Variants in PCDHA12 observed in about 807,000 individuals in gnomAD.
PCDHA12 encodes the protein protocadherin alpha-12.
PCDHA12 carries 44 observed loss-of-function variants against 60.0 expected under a neutral mutation model. The observed-to-expected ratio is 0.73, with a 90% CI of 0.58 to 0.94. The LOEUF is 0.94. PCDHA12 is among the 40% of genes least tolerant of loss of function. The pLI, the probability that PCDHA12 is intolerant of heterozygous loss-of-function variation, is 0.00. For missense variants in PCDHA12, 1,276 were observed against 1,239.7 expected (o/e 1.03, Z -0.44); for synonymous variants, 569 against 553.0 (o/e 1.03, Z -0.40).
At chr5:140,884,368 G>T (rs2060127258) in intron 1 of PCDHA12, 1 of 1,613,864 alleles carries the variant, frequency 6.2e-7, no homozygotes, top group Non-Finnish European at 8.5e-7. Context: ...ATGTTTACTT[G>T]ATCATTGCCA....
chr5:140,904,828 A>G (rs1196362639), intron 1 of PCDHA12, among the ~76,000 whole-genome samples: 7 of 151,794 alleles, frequency 4.6e-5, no homozygotes, highest in African/African-American at 1.7e-4. Flanking sequence ...GCATTTTTTT[A>G]TATGTTTCAT....
At chr5:140,998,720 A>G (rs1554256437) in intron 3 of PCDHA12, among the ~76,000 whole-genome samples, 1 of 152,092 alleles carries the variant, frequency 6.6e-6, no homozygotes, top group African/African-American at 2.4e-5. Context: ...TTGCACCACC[A>G]CGCTAGGCTA....
chr5:140,882,392 G>T (rs781850899), intron 1 of PCDHA12: 5 of 1,614,058 alleles, frequency 3.1e-6, no homozygotes, highest in Middle Eastern at 1.6e-4. Flanking sequence ...AGCAAAACAC[G>T]GCACCTTCGT....
At chr5:140,953,514 AC>A (rs1209488542) in intron 1 of PCDHA12, among the ~76,000 whole-genome samples, 2 of 152,136 alleles carry the variant, frequency 1.3e-5, no homozygotes, top group Non-Finnish European at 2.9e-5. Flanking sequence ...GGCCAAAGCA[AC>A]AAAAACGGGA....
intron 1 of PCDHA12, among the ~76,000 whole-genome samples, chr5:140,956,692 C>T (rs246012): frequency 0.56 from 85,656 of 151,960 alleles, 24,760 homozygotes; most frequent in African/African-American, 0.69. Context: ...CCTCCTTTTC[C>T]ATTGTTTGGA....
intron 1 of PCDHA12, among the ~76,000 whole-genome samples, chr5:140,937,675 G>A (rs2091663642): frequency 6.6e-6 from 1 of 151,688 alleles, no homozygotes; most frequent in Admixed American, 6.6e-5. Flanking sequence ...CACTTTGGGA[G>A]GCTGAGGCAG....
chr5:140,905,130 GT>G (rs1448449678), intron 1 of PCDHA12, among the ~76,000 whole-genome samples: 11 of 152,178 alleles, frequency 7.2e-5, no homozygotes, highest in African/African-American at 2.7e-4. Flanking sequence ...GTCTAGAAGA[GT>G]TTTTCTGCTG....
rs373515339 is a variant in PCDHA12 at position 140,875,761 on chromosome 5, G to T, written c.289G>T (p.Gly97Trp). ...TCGGATCGACCGCGAGAAGCTGTGC[G>T]GGCGGAGCGCGGAGTGCAGTATCCA... ...NSRIDREKLC[G>W]RSAECSIHLE... is the part of the protein sequence containing the mutation. The change falls in exon 1 of 4, where the codon GGG becomes TGG. Residue 97 changes from glycine to tryptophan, a missense_variant. Coordinates refer to ENST00000398631, the MANE Select transcript of PCDHA12 (RefSeq NM_018903.4). The T allele has an allele frequency of 8.7e-6, 14 of 1,614,236 alleles. No homozygotes were observed. Among genetic ancestry groups the T allele is most frequent in the Non-Finnish European group, 1.1e-5 (13 of 1,180,040 alleles).
intron 1 of PCDHA12, among the ~76,000 whole-genome samples, chr5:140,932,779 G>T (rs556279743): frequency 3.9e-5 from 6 of 151,910 alleles, no homozygotes; most frequent in Non-Finnish European, 8.9e-5. Context: ...TAATTTGAGT[G>T]GACATAAGAG....
chr5:140,917,442 G>C (rs186885625), intron 1 of PCDHA12, among the ~76,000 whole-genome samples: 5 of 152,072 alleles, frequency 3.3e-5, no homozygotes, highest in Admixed American at 3.3e-4. Flanking sequence ...TGTTTTTGCT[G>C]CAAGAGCGTT....
chr5:140,957,385 A>G (rs1166781130), intron 1 of PCDHA12, among the ~76,000 whole-genome samples: 1 of 152,192 alleles, frequency 6.6e-6, no homozygotes, highest in Non-Finnish European at 1.5e-5. Flanking sequence ...GTGTATTGTT[A>G]TAATTGTCCT....
Position 140,895,072 on chromosome 5 carries a change from A to C in PCDHA12, c.2367+17233A>C, listed in dbSNP as rs974661383. On this transcript the variant is annotated intron_variant, in intron 1 of 3. Coordinates refer to ENST00000398631, the MANE Select transcript of PCDHA12 (RefSeq NM_018903.4). ...TCTGCTTCATATGGACTCAATTCCT[A>C]TCAGTTCCTCCTCAGTATAGGGGTT... 2.6e-5 allele frequency among the ~76,000 whole-genome samples: 4 copies of C among 152,208 alleles called. No homozygotes were observed. In the South Asian group the frequency reaches 6.2e-4, roughly 24 times the overall value.
At chr5:140,968,446 C>T in intron 1 of PCDHA12, 1 of 1,614,046 alleles carries the variant, frequency 6.2e-7, no homozygotes, top group Non-Finnish European at 8.5e-7. Context: ...CACCACTGAG[C>T]AGCACTGTGA....
chr5:140,985,357 C>T (rs577732404), intron 3 of PCDHA12, among the ~76,000 whole-genome samples: 1 of 152,298 alleles, frequency 6.6e-6, no homozygotes, highest in East Asian at 1.9e-4. Flanking sequence ...TATAGACCCT[C>T]TGAGGTTATC....
At chr5:140,958,510 G>A (rs1476919397) in intron 1 of PCDHA12, among the ~76,000 whole-genome samples, 1 of 152,114 alleles carries the variant, frequency 6.6e-6, no homozygotes, top group Non-Finnish European at 1.5e-5. Flanking sequence ...AGGCATGGCT[G>A]TCCAATATAT....
chr5:140,964,305 A>T (rs1163722863), intron 1 of PCDHA12, among the ~76,000 whole-genome samples: 1 of 152,246 alleles, frequency 6.6e-6, no homozygotes, highest in African/African-American at 2.4e-5. Flanking sequence ...AATACCTACA[A>T]GGCCTAAAAC....
intron 1 of PCDHA12, chr5:140,883,208 A>G: frequency 6.2e-7 from 1 of 1,614,034 alleles, no homozygotes; most frequent in Non-Finnish European, 8.5e-7. Flanking sequence ...CGAAGAAAAG[A>G]AATTATATGA....
At chr5:140,968,410 T>A (rs1554230678) in intron 1 of PCDHA12, 2 of 1,614,040 alleles carry the variant, frequency 1.2e-6, no homozygotes, top group Non-Finnish European at 1.7e-6. Flanking sequence ...TCTTTGTGAC[T>A]GTGGAGGCTC....
chr5:140,875,407 A>G lies in PCDHA12; in HGVS notation c.-66A>G, dbSNP rs2055457272. Reference sequence around the variant, plus strand: ...CTTACAGAAAAGGGTGACTGCTCATAAAATACCTCAGGCAAGCGATCCCTT... The same window carrying G: ...CTTACAGAAAAGGGTGACTGCTCATGAAATACCTCAGGCAAGCGATCCCTT... On this transcript the variant is annotated 5_prime_UTR_variant, in exon 1 of 4. In the 5' UTR this introduces an upstream ATG that the reference lacks. Transcript: ENST00000398631. 1.3e-6 allele frequency: 2 copies of G among 1,497,672 alleles called. No individual in the cohort carries two copies. Among genetic ancestry groups the G allele is most frequent in the Non-Finnish European group, 1.8e-6 (2 of 1,125,526 alleles). 92.8% of individuals were successfully genotyped at this position (1,497,672 alleles called of 1,614,324 possible). A position where few individuals can be genotyped will look rare whatever the true frequency, so the allele number is the denominator to read the frequency against.
Sources: allele counts gnomAD v4.1 joint callset (sites outside exome capture counted in the v4.1 genomes callset), GRCh38; gene constraint gnomAD v4.1.1; transcripts MANE v1.5; gene names NCBI Gene and HGNC (gene_info 2026-07-23, HGNC 2026-07-21).